RPAP3: variants seen among roughly 807,000 people sequenced by gnomAD.
RPAP3 encodes the protein RNA polymerase II-associated protein 3.
RPAP3 carries 58 observed loss-of-function variants against 88.8 expected under a neutral mutation model. The ratio of observed to expected loss-of-function variants is 0.65; its 90% CI spans 0.53 to 0.81. The LOEUF is 0.81. RPAP3 is among the 40% of genes least tolerant of loss of function. The pLI is 0.00. For missense variants in RPAP3, 751 were observed against 764.3 expected (o/e 0.98, Z 0.20); for synonymous variants, 255 against 259.9 (o/e 0.98, Z 0.18).
At chr12:47,689,268 TG>T in intron 6 of RPAP3, 73 bp from the exon 7 acceptor site, 3 of 629,574 alleles carry the variant, frequency 4.8e-6, no homozygotes, top group Non-Finnish European at 8.1e-6. Context: ...AACAATCTTT[TG>T]TTGCCTGTGA....
Position 47,679,525 on chromosome 12 carries a change from G to GT in RPAP3, c.1254dup (p.Pro419ThrfsTer3), listed in dbSNP as rs773470209. On this transcript the variant is annotated frameshift_variant, in exon 12 of 17. Transcript: ENST00000005386. LOFTEE classifies it high-confidence loss of function. Reference sequence around the variant, plus strand: ...CCAGGATGCGGTGGATTATCAATGGGTTTTACCACATTTTGTCTTTGTGTG... The same window carrying GT: ...CCAGGATGCGGTGGATTATCAATGGGTTTTTACCACATTTTGTCTTTGTGTG... 1.9e-6 allele frequency: 3 copies of GT among 1,605,740 alleles called. No individual in the cohort carries two copies. In the East Asian group the frequency reaches 6.7e-5, roughly 36 times the overall value.
Position 47,681,828 on chromosome 12 carries a change from T to C in RPAP3, c.993-11A>G. The stretch of plus-strand genomic sequence containing the variant: ...TCAGCTTCTTCATATCTATTGAACA[T>C]GATAAAATTACTGACTGGAAAAAAG... On this transcript the variant is annotated splice_polypyrimidine_tract_variant and intron_variant, in intron 9 of 16. Transcript: ENST00000005386. 2 of 1,562,166 alleles carry C rather than the reference T, an allele frequency of 1.3e-6. No homozygotes were observed. Among genetic ancestry groups the C allele is most frequent in the East Asian group, 2.3e-5 (1 of 42,886 alleles).
chr12:47,662,808 T>C lies in RPAP3; in HGVS notation c.*697A>G, dbSNP rs1475285426. The C allele has an allele frequency of 2.0e-5, 3 of 152,276 alleles. No homozygotes were observed. The highest frequency in any genetic ancestry group is 7.2e-5 in the African/African-American group (3 of 41,444). The allele number at this position is 152,276 out of a possible 1,614,324, so 9.4% of individuals were successfully genotyped here. A position where few individuals can be genotyped will look rare whatever the true frequency, so the allele number is the denominator to read the frequency against. The stretch of plus-strand genomic sequence containing the variant: ...GCTACACTCACATCCAACAAATACA[T>C]ATGGGCTATATGCTAATTAGTACTT... On this transcript the variant is annotated 3_prime_UTR_variant, in exon 17 of 17. Transcript: ENST00000005386.
chr12:47,674,180 C>T (rs1939061794), intron 12 of RPAP3, among the ~76,000 whole-genome samples: 1 of 151,778 alleles, frequency 6.6e-6, no homozygotes, highest in African/African-American at 2.4e-5. Context: ...AGGCACAGCT[C>T]CAATCTGCAG....
intron 9 of RPAP3, among the ~76,000 whole-genome samples, chr12:47,686,522 G>T (rs1052506140): frequency 4.7e-5 from 5 of 105,862 alleles, no homozygotes; most frequent in African/African-American, 1.5e-4. Context: ...TATACCACAG[G>T]TACATAAACA....
At position 47,661,664 on chromosome 12, in the gene RPAP3, CA is replaced by C. The variant is rs1014908287; in HGVS notation, c.*1840del. The C allele has an allele frequency of 2.4e-4, 36 of 152,288 alleles. No individual in the cohort carries two copies. Among genetic ancestry groups the C allele is most frequent in the African/African-American group, 8.4e-4 (35 of 41,568 alleles). The allele number at this position is 152,288 out of a possible 1,614,324, so 9.4% of individuals were successfully genotyped here. A position where few individuals can be genotyped will look rare whatever the true frequency, so the allele number is the denominator to read the frequency against. ...GTAAATCTTGTGATCTGTACTTCTT[CA>C]GTTAACAGTCTCTACACAGGTAACA... On this transcript the variant is annotated 3_prime_UTR_variant, in exon 17 of 17. Transcript: ENST00000005386.
In RPAP3 at chr12:47,685,593, G is replaced by A. The variant is rs564468462; in HGVS notation, c.992+1187C>T. On this transcript the variant is annotated intron_variant, in intron 9 of 16. Transcript: ENST00000005386. The stretch of plus-strand genomic sequence containing the variant: ...CCCTAGTAGTTATTCAGAAGACAAA[G>A]AGCTAAGGCATGTGTTATCACATTG... Among the ~76,000 whole-genome samples the A allele has an allele frequency of 1.5e-4, 23 of 152,270 alleles. No homozygotes were observed. The South Asian group carries it at 4.6e-3, about 30-fold the overall frequency.
chr12:47,703,795 A>C lies in RPAP3; in HGVS notation c.-6-949T>G, dbSNP rs562364880. Among the ~76,000 whole-genome samples, 4 of 152,200 alleles carry C rather than the reference A, an allele frequency of 2.6e-5. No individual in the cohort carries two copies. In the South Asian group the frequency reaches 8.3e-4, roughly 32 times the overall value. On this transcript the variant is annotated intron_variant, in intron 1 of 16. Transcript: ENST00000005386. ...CATGAGGTCTAACCTATATTCTGAAAGTTATGTGAAAATATCAAGGTAGTA... is the reference window on the plus strand; with the variant it reads ...CATGAGGTCTAACCTATATTCTGAACGTTATGTGAAAATATCAAGGTAGTA...
intron 4 of RPAP3, 136 bp from the exon 5 acceptor site, chr12:47,696,539 G>A (rs1354948197): frequency 3.6e-6 from 2 of 552,842 alleles, no homozygotes. Flanking sequence ...TACACCAAGT[G>A]TGCCTGCCTC....
intron 12 of RPAP3, 51 bp downstream of exon 12, chr12:47,679,442 C>G (rs762605321): frequency 8.3e-7 from 1 of 1,203,662 alleles, no homozygotes; most frequent in East Asian, 2.4e-5. Context: ...TCCAATTCTC[C>G]TATTACAACA....
At chr12:47,691,684 T>A (rs935256120) in intron 5 of RPAP3, among the ~76,000 whole-genome samples, 2 of 152,176 alleles carry the variant, frequency 1.3e-5, no homozygotes, top group Non-Finnish European at 2.9e-5. Flanking sequence ...TCCTTGTACA[T>A]CTCCATCAGA....
chr12:47,667,388 G>A (rs1056773026), intron 15 of RPAP3, among the ~76,000 whole-genome samples: 1 of 151,700 alleles, frequency 6.6e-6, no homozygotes, highest in African/African-American at 2.4e-5. Flanking sequence ...CCTTTTTATT[G>A]TCTGTACTTG....
chr12:47,682,353 TACA>T (rs985889293), intron 9 of RPAP3, among the ~76,000 whole-genome samples: 3 of 152,136 alleles, frequency 2.0e-5, no homozygotes, highest in East Asian at 1.9e-4. Flanking sequence ...ATTACTGCTC[TACA>T]ACAACAAGGT....
At chr12:47,693,443 G>C (rs1448002965) in intron 5 of RPAP3, among the ~76,000 whole-genome samples, 1 of 152,168 alleles carries the variant, frequency 6.6e-6, no homozygotes, top group African/African-American at 2.4e-5. Flanking sequence ...ACGTGACATA[G>C]AGACACAAAG....
chr12:47,673,440 G>A lies in RPAP3; in HGVS notation c.1288-3095C>T, dbSNP rs1417451605. Reference sequence around the variant, plus strand: ...CCTGGGGGACAAAGAGTGAAACTCCGTCTCAAAAAAAAAAAAAAAAAAAAA... The same window carrying A: ...CCTGGGGGACAAAGAGTGAAACTCCATCTCAAAAAAAAAAAAAAAAAAAAA... On this transcript the variant is annotated intron_variant, in intron 12 of 16. Coordinates refer to ENST00000005386, the MANE Select transcript of RPAP3 (RefSeq NM_024604.3). Among the ~76,000 whole-genome samples, 54 of 87,096 alleles carry A rather than the reference G, an allele frequency of 6.2e-4. 1 individual carries two copies. The highest frequency in any genetic ancestry group is 3.3e-3 in the Admixed American group (24 of 7,260). The allele number at this position is 87,096 out of a possible 152,430, so 57.1% of individuals were successfully genotyped here.
Position 47,663,507 on chromosome 12 carries a change from A to C in RPAP3, c.1996T>G (p.Ter666GlyextTer7). ...VEELKKRYGG[*>G] ...AATTATTTCAGCAAAAATGGAAATCAACCACCGTATCTTTTCTTGAGTTCT... is the reference window on the plus strand; with the variant it reads ...AATTATTTCAGCAAAAATGGAAATCCACCACCGTATCTTTTCTTGAGTTCT... The change falls in exon 17 of 17, where the codon TGA (stop) becomes GGA (glycine). Residue 666 changes from the stop codon to glycine (G), a stop_lost. Coordinates refer to ENST00000005386, the MANE Select transcript of RPAP3 (RefSeq NM_024604.3). 1 of 1,577,738 alleles carries C rather than the reference A, an allele frequency of 6.3e-7. No individual in the cohort carries two copies. Among genetic ancestry groups the C allele is most frequent in the Non-Finnish European group, 8.6e-7 (1 of 1,159,862 alleles).
chr12:47,683,233 T>C (rs954716908), intron 9 of RPAP3, among the ~76,000 whole-genome samples: 2 of 152,190 alleles, frequency 1.3e-5, no homozygotes, highest in Non-Finnish European at 2.9e-5. Context: ...CTATAGCACG[T>C]GTCCTTCATA....
chr12:47,670,298 CTG>C lies in RPAP3; in HGVS notation c.1333_1334del (p.Gln445AspfsTer3). 1.2e-6 allele frequency: 2 copies of C among 1,612,476 alleles called. No homozygotes were observed. Among genetic ancestry groups the C allele is most frequent in the Non-Finnish European group, 1.7e-6 (2 of 1,178,948 alleles). On this transcript the variant is annotated frameshift_variant, in exon 13 of 17. Coordinates refer to ENST00000005386, the MANE Select transcript of RPAP3 (RefSeq NM_024604.3). LOFTEE classifies it high-confidence loss of function. ...TAGTGCTATCTGGCACATCAATAGT[CTG>C]TATCAAATTACCAGTTTCTTCAATA... ...VIIEETGNLIQTIDVPDSTTA... is the reference protein window; with the variant it reads ...VIIEETGNLIXTIDVPDSTTA...
chr12:47,688,729 A>C (rs1939372675), intron 7 of RPAP3, among the ~76,000 whole-genome samples: 1 of 152,246 alleles, frequency 6.6e-6, no homozygotes, highest in South Asian at 2.1e-4. Flanking sequence ...TAATCAAGTT[A>C]ACATATTTAC....
Sources: gnomAD v4.1 joint callset for allele counts (sites outside exome capture counted in the v4.1 genomes callset) on GRCh38, gnomAD v4.1.1 for gene constraint, MANE v1.5 for transcripts, NCBI Gene and HGNC (gene_info 2026-07-23, HGNC 2026-07-21) for gene names.